Variants in CACNA2D3 observed in about 807,000 individuals in gnomAD.
CACNA2D3 encodes voltage-dependent calcium channel subunit alpha-2/delta-3.
CACNA2D3 carries 60 observed loss-of-function variants against 160.6 expected under a neutral mutation model. The observed-to-expected ratio is 0.37, with a 90% CI of 0.30 to 0.46. The LOEUF is 0.46. Ranked by LOEUF, CACNA2D3 falls within the 20% of genes least tolerant of loss-of-function variation. CACNA2D3 has a pLI of 1.00. For synonymous variants in CACNA2D3, 558 were observed against 492.9 expected, an observed-to-expected ratio of 1.13 and a Z score of -1.75; for missense variants, 1,205 against 1,365.0, an observed-to-expected ratio of 0.88 and a Z score of 1.85.
At chr3:54,405,379 A>C (rs768173993) in intron 4 of CACNA2D3, among the ~76,000 whole-genome samples, 1 of 152,020 alleles carries the variant, frequency 6.6e-6, no homozygotes, top group Non-Finnish European at 1.5e-5. Context: ...AGACACATAG[A>C]CTTGTAGAAT....
intron 9 of CACNA2D3, among the ~76,000 whole-genome samples, chr3:54,614,999 C>T (rs1217396165): frequency 3.3e-5 from 5 of 152,314 alleles, no homozygotes; most frequent in Non-Finnish European, 5.9e-5. Flanking sequence ...CATTGATCAC[C>T]TTCGGACCAA....
At chr3:54,824,319 C>T (rs189827585) in intron 14 of CACNA2D3, among the ~76,000 whole-genome samples, 178 of 152,262 alleles carry the variant, frequency 1.2e-3, no homozygotes, top group Middle Eastern at 3.4e-3. Context: ...GTGGTTACAC[C>T]GTGGAGGTCA....
chr3:54,267,382 C>T (rs930243669), intron 2 of CACNA2D3, among the ~76,000 whole-genome samples: 1 of 152,108 alleles, frequency 6.6e-6, no homozygotes, highest in Non-Finnish European at 1.5e-5. Context: ...CTGGGCTACT[C>T]GTTACAATTT....
chr3:54,198,417 G>A (rs141381806), intron 2 of CACNA2D3, among the ~76,000 whole-genome samples: 1 of 152,210 alleles, frequency 6.6e-6, no homozygotes, highest in Non-Finnish European at 1.5e-5. Context: ...CCGTGGCCCC[G>A]AATATTTCCG....
At chr3:54,441,090 T>G (rs1480883746) in intron 4 of CACNA2D3, among the ~76,000 whole-genome samples, 3 of 152,174 alleles carry the variant, frequency 2.0e-5, no homozygotes, top group African/African-American at 7.2e-5. Flanking sequence ...TGAACTAGTT[T>G]ACAGTCCCAC....
intron 18 of CACNA2D3, 145 bp from the exon 19 acceptor site, chr3:54,878,873 G>A: frequency 1.9e-6 from 1 of 530,368 alleles, no homozygotes. Flanking sequence ...TTGTACATGA[G>A]CAGTTGGGTG....
intron 2 of CACNA2D3, among the ~76,000 whole-genome samples, chr3:54,187,368 T>A (rs1164181887): frequency 6.6e-6 from 1 of 152,214 alleles, no homozygotes. Flanking sequence ...TTTTAAAGGC[T>A]TGACAATTGA....
chr3:54,454,186 C>G (rs933066283), intron 4 of CACNA2D3, among the ~76,000 whole-genome samples: 1 of 152,130 alleles, frequency 6.6e-6, no homozygotes, highest in South Asian at 2.1e-4. Flanking sequence ...TAAGATGTTT[C>G]TTTTTAAATT....
At chr3:54,276,417 A>T (rs1393241580) in intron 2 of CACNA2D3, among the ~76,000 whole-genome samples, 1 of 152,078 alleles carries the variant, frequency 6.6e-6, no homozygotes, top group Non-Finnish European at 1.5e-5. Flanking sequence ...AAAAAAAACC[A>T]CAAAAATTAG....
intron 2 of CACNA2D3, among the ~76,000 whole-genome samples, chr3:54,292,685 G>T (rs1011487094): frequency 6.6e-6 from 1 of 152,182 alleles, no homozygotes; most frequent in East Asian, 1.9e-4. Flanking sequence ...CTAAGTGTTG[G>T]CAAGGATGTG....
At chr3:54,480,807 A>G (rs145325229) in intron 4 of CACNA2D3, among the ~76,000 whole-genome samples, 3 of 152,294 alleles carry the variant, frequency 2.0e-5, no homozygotes, top group African/African-American at 7.2e-5. Context: ...TCTGAAATGT[A>G]TGAAAGCTGG....
rs111359013 is a variant in CACNA2D3, at chr3:54,528,656, G to GT, written c.544+25009dup. On this transcript the variant is annotated intron_variant, in intron 5 of 37. Transcript: ENST00000474759. ...GGTCAGTGTGGCTGGGCAAACACAC[G>GT]TTTTTTTATGCCAGATACGTGTGAA... Among the ~76,000 whole-genome samples the GT allele has an allele frequency of 2.9e-3, 447 of 152,182 alleles. 2 individuals carry two copies. The highest frequency in any genetic ancestry group is 0.01 in the African/African-American group (427 of 41,524).
chr3:55,007,964 T>C, intron 33 of CACNA2D3, 122 bp downstream of exon 33: 1 of 631,766 alleles, frequency 1.6e-6, no homozygotes, highest in Admixed American at 4.0e-5. Context: ...TACTCTGAGA[T>C]AACTTCATTG....
chr3:54,815,371 C>G (rs1398933085), intron 13 of CACNA2D3, among the ~76,000 whole-genome samples: 4 of 152,170 alleles, frequency 2.6e-5, no homozygotes, highest in African/African-American at 9.7e-5. Flanking sequence ...TTGTTCGGTT[C>G]TACTCTTTGT....
At chr3:54,195,135 A>C (rs1701055203) in intron 2 of CACNA2D3, among the ~76,000 whole-genome samples, 5 of 152,198 alleles carry the variant, frequency 3.3e-5, no homozygotes, top group Non-Finnish European at 5.9e-5. Flanking sequence ...TGCACATTCC[A>C]GAGTCCCGCC....
chr3:54,574,011 A>G (rs1464349), intron 8 of CACNA2D3, among the ~76,000 whole-genome samples: 54,872 of 151,842 alleles, frequency 0.36, 10,803 homozygotes, highest in Non-Finnish European at 0.44. Flanking sequence ...AGTGCAGGGG[A>G]ATGGGATATT....
chr3:54,485,028 G>A (rs2106907937), intron 4 of CACNA2D3, among the ~76,000 whole-genome samples: 1 of 152,172 alleles, frequency 6.6e-6, no homozygotes, highest in Middle Eastern at 3.4e-3. Flanking sequence ...TGTAATTTTA[G>A]TAGAGACGGG....
chr3:54,772,190 A>C (rs1702333455), intron 13 of CACNA2D3, among the ~76,000 whole-genome samples: 1 of 149,840 alleles, frequency 6.7e-6, no homozygotes, highest in African/African-American at 2.5e-5. Flanking sequence ...AAGATGGCTT[A>C]ATATGGTCTG....
At chr3:54,987,848 C>T in intron 31 of CACNA2D3, 95 bp downstream of exon 31, 2 of 847,990 alleles carry the variant, frequency 2.4e-6, no homozygotes, top group Non-Finnish European at 3.6e-6. Flanking sequence ...AGACTTGACC[C>T]TGTGGCTGGT....
Sources: allele counts gnomAD v4.1 joint callset (sites outside exome capture counted in the v4.1 genomes callset), GRCh38; gene constraint gnomAD v4.1.1; transcripts MANE v1.5; gene names NCBI Gene and HGNC (gene_info 2026-07-23, HGNC 2026-07-21).